ITK: variants seen among roughly 807,000 people sequenced by gnomAD.
ITK encodes IL2 inducible T cell kinase, also known as tyrosine-protein kinase ITK/TSK.
In ITK, 45 loss-of-function variants were observed where a neutral mutation model predicts 87.6. The observed-to-expected ratio is 0.51, with a 90% CI of 0.40 to 0.66. The LOEUF is 0.66. ITK is among the 30% of genes least tolerant of loss of function. The probability of loss-of-function intolerance (pLI) is 0.00; values close to 1 mark genes in which losing one functional copy is unlikely to be tolerated. For missense variants in ITK, 605 were observed against 766.3 expected (o/e 0.79, Z 2.48); for synonymous variants, 303 against 273.6 (o/e 1.11, Z -1.06).
At position 157,225,337 on chromosome 5, in the gene ITK, A is replaced by G. The variant is rs181140722; in HGVS notation, c.647+2323A>G. On this transcript the variant is annotated intron_variant, in intron 6 of 16. Transcript: ENST00000422843. ...AACTGTGCAACAGTTAAGTCAGAGTATGTGATATCTTAATTTTGCCACATA... is the reference window on the plus strand; with the variant it reads ...AACTGTGCAACAGTTAAGTCAGAGTGTGTGATATCTTAATTTTGCCACATA... Among the ~76,000 whole-genome samples the G allele has an allele frequency of 3.7e-4, 57 of 152,236 alleles. 1 individual carries two copies. The highest frequency in any genetic ancestry group is 2.8e-3 in the Admixed American group (43 of 15,272).
At chr5:157,209,328 C>CAAA (rs34768868) in intron 2 of ITK, among the ~76,000 whole-genome samples, 4 of 122,618 alleles carry the variant, frequency 3.3e-5, no homozygotes, top group African/African-American at 8.6e-5. Context: ...GAGACTCCGT[C>CAAA]AAAAAAAAAA....
chr5:157,213,587 G>A (rs867245312), intron 3 of ITK: 1 of 453,668 alleles, frequency 2.2e-6, no homozygotes, highest in Non-Finnish European at 4.4e-6. Context: ...TCGCTATGTT[G>A]CCTAGGCTAA....
intron 1 of ITK, among the ~76,000 whole-genome samples, chr5:157,183,127 T>C (rs1369134740): frequency 6.6e-6 from 1 of 152,042 alleles, no homozygotes; most frequent in African/African-American, 2.4e-5. Flanking sequence ...TTTCTTTAAT[T>C]ATTTAATTAT....
chr5:157,249,158 G>A lies in ITK; in HGVS notation c.1791+151G>A, dbSNP rs1755089919. On this transcript the variant is annotated intron_variant, in intron 16 of 16. Coordinates refer to ENST00000422843, the MANE Select transcript of ITK (RefSeq NM_005546.4). Reference sequence around the variant, plus strand: ...ACATGACTTTGAGGATCTGTTAACGGGATAGATCCCCCATCCCTAAAGGAG... The same window carrying A: ...ACATGACTTTGAGGATCTGTTAACGAGATAGATCCCCCATCCCTAAAGGAG... 4.0e-6 allele frequency: 3 copies of A among 743,648 alleles called. No individual in the cohort carries two copies. The South Asian group carries it at 4.6e-5, about 11-fold the overall frequency. The allele number at this position is 743,648 out of a possible 1,614,324, so 46.1% of individuals were successfully genotyped here. A position where few individuals can be genotyped will look rare whatever the true frequency, so the allele number is the denominator to read the frequency against.
intron 1 of ITK, among the ~76,000 whole-genome samples, chr5:157,203,482 A>G (rs1385460298): frequency 1.3e-5 from 2 of 152,194 alleles, no homozygotes; most frequent in Non-Finnish European, 2.9e-5. Context: ...AAAGACAAAA[A>G]TGTCAGCAAA....
At chr5:157,251,153 G>A (rs1290262129) in intron 16 of ITK, among the ~76,000 whole-genome samples, 1 of 152,208 alleles carries the variant, frequency 6.6e-6, no homozygotes, top group Non-Finnish European at 1.5e-5. Flanking sequence ...CCAGCAATGA[G>A]AGTTCCTTAT....
chr5:157,193,556 A>G (rs1753791763), intron 1 of ITK, among the ~76,000 whole-genome samples: 1 of 152,214 alleles, frequency 6.6e-6, no homozygotes, highest in Non-Finnish European at 1.5e-5. Flanking sequence ...CACATTCATT[A>G]TGTTATCCTA....
At chr5:157,186,250 A>T (rs1753638959) in intron 1 of ITK, among the ~76,000 whole-genome samples, 2 of 151,904 alleles carry the variant, frequency 1.3e-5, no homozygotes, top group African/African-American at 4.8e-5. Context: ...GAAAATTGGT[A>T]CCCCCTGCCA....
rs754433426 is a variant in ITK, at chr5:157,181,022, C to G, written c.45C>G (p.Ser15=). The change falls in exon 1 of 17, where the codon TCC becomes TCG. Residue 15 remains serine (S), a synonymous_variant. Coordinates refer to ENST00000422843, the MANE Select transcript of ITK (RefSeq NM_005546.4). ...ILLEEQLIKK[S]QQKRRTSPSN... Reference sequence around the variant, plus strand: ...TGGAAGAACAGCTCATCAAGAAATCCCAACAAAAGAGAAGAACTTCTCCCT... The same window carrying G: ...TGGAAGAACAGCTCATCAAGAAATCGCAACAAAAGAGAAGAACTTCTCCCT... 3 of 1,613,908 alleles carry G rather than the reference C, an allele frequency of 1.9e-6. No homozygotes were observed. In the South Asian group the frequency reaches 3.3e-5, roughly 18 times the overall value.
chr5:157,230,421 T>G (rs1754627065), intron 7 of ITK, among the ~76,000 whole-genome samples: 1 of 152,174 alleles, frequency 6.6e-6, no homozygotes, highest in Non-Finnish European at 1.5e-5. Flanking sequence ...TATTAACGCA[T>G]TAGGGTTCTT....
chr5:157,185,084 G>C (rs1425738901), intron 1 of ITK, among the ~76,000 whole-genome samples: 1 of 152,090 alleles, frequency 6.6e-6, no homozygotes, highest in Non-Finnish European at 1.5e-5. Flanking sequence ...TGGTAGGTGG[G>C]GAGATGGTCC....
Position 157,254,858 on chromosome 5 carries a change from A to G in ITK, c.*2180A>G, listed in dbSNP as rs2113781118. ...CTAATCCTCAACTGTACATGTGTACATTCTTCACCTCCTGGTGCCCTATCC... is the reference window on the plus strand; with the variant it reads ...CTAATCCTCAACTGTACATGTGTACGTTCTTCACCTCCTGGTGCCCTATCC... On this transcript the variant is annotated 3_prime_UTR_variant, in exon 17 of 17. Coordinates refer to ENST00000422843, the MANE Select transcript of ITK (RefSeq NM_005546.4). 4.6e-6 allele frequency: 1 copy of G among 216,648 alleles called. No homozygotes were observed. The highest frequency in any genetic ancestry group is 9.3e-6 in the Non-Finnish European group (1 of 107,558). The allele number at this position is 216,648 out of a possible 1,614,324, so 13.4% of individuals were successfully genotyped here.
At chr5:157,205,415 A>C (rs1252784130) in intron 1 of ITK, among the ~76,000 whole-genome samples, 1 of 152,244 alleles carries the variant, frequency 6.6e-6, no homozygotes, top group African/African-American at 2.4e-5. Context: ...CAAATATTGA[A>C]ATACAAAATG....
intron 13 of ITK, chr5:157,245,223 TAAAAAA>T (rs139283977): frequency 3.1e-3 from 496 of 161,494 alleles, no homozygotes; most frequent in East Asian, 0.014. Flanking sequence ...AGACTCCATC[TAAAAAA>T]AAAAAAAAAA....
At chr5:157,197,868 C>G (rs1753882309) in intron 1 of ITK, among the ~76,000 whole-genome samples, 1 of 152,050 alleles carries the variant, frequency 6.6e-6, no homozygotes, top group African/African-American at 2.4e-5. Flanking sequence ...CTGTGAAAAT[C>G]CTTTTTATTA....
intron 7 of ITK, 67 bp downstream of exon 7, chr5:157,228,428 T>A: frequency 1.0e-6 from 1 of 959,682 alleles, no homozygotes; most frequent in South Asian, 1.3e-5. Context: ...AGGAATAAAT[T>A]ATTGGTTGAC....
chr5:157,211,501 C>A, intron 3 of ITK, 133 bp downstream of exon 3: 2 of 776,020 alleles, frequency 2.6e-6, no homozygotes, highest in Non-Finnish European at 2.2e-6. Flanking sequence ...TGGAAGTTCC[C>A]AAGTTTTCAT....
intron 4 of ITK, among the ~76,000 whole-genome samples, chr5:157,216,652 G>A (rs1334453170): frequency 2.0e-5 from 3 of 152,088 alleles, no homozygotes; most frequent in Non-Finnish European, 4.4e-5. Context: ...GAAGGGAAAA[G>A]CAAGGCCAGA....
At chr5:157,195,162 ATGAGCCTCC>A (rs1467372142) in intron 1 of ITK, 1 of 152,202 alleles carries the variant, frequency 6.6e-6, no homozygotes, top group Non-Finnish European at 1.5e-5. Context: ...CAGTGAGCAA[ATGAGCCTCC>A]TGCCACAAAC....
Sources: allele counts gnomAD v4.1 joint callset (sites outside exome capture counted in the v4.1 genomes callset), GRCh38; gene constraint gnomAD v4.1.1; transcripts MANE v1.5; gene names NCBI Gene and HGNC (gene_info 2026-07-23, HGNC 2026-07-21).